Variants in LDLRAD3 observed in about 807,000 individuals in gnomAD.
LDLRAD3 encodes the protein low-density lipoprotein receptor class A domain-containing protein 3.
LDLRAD3 carries 20 observed loss-of-function variants against 29.4 expected under a neutral mutation model. That is an observed-to-expected ratio of 0.68 (90% CI 0.48 to 0.99). The LOEUF is 0.99. LDLRAD3 is among the 50% of genes least tolerant of loss of function. The pLI, the probability that LDLRAD3 is intolerant of heterozygous loss-of-function variation, is 0.00. For missense variants in LDLRAD3, 420 were observed against 454.3 expected (o/e 0.92, Z 0.69); for synonymous variants, 157 against 192.7 (o/e 0.81, Z 1.53).
At chr11:35,952,163 A>G (rs1851143606) in intron 1 of LDLRAD3, among the ~76,000 whole-genome samples, 1 of 152,216 alleles carries the variant, frequency 6.6e-6, no homozygotes, top group South Asian at 2.1e-4. Flanking sequence ...AGGTTCAGTA[A>G]CTTTCCTAAA....
At chr11:36,142,213 C>A (rs912655301) in intron 4 of LDLRAD3, among the ~76,000 whole-genome samples, 1 of 152,154 alleles carries the variant, frequency 6.6e-6, no homozygotes, top group Non-Finnish European at 1.5e-5. Flanking sequence ...AGAGTCACTC[C>A]TTAGTTTCTG....
At chr11:36,006,001 A>C (rs1396296686) in intron 1 of LDLRAD3, among the ~76,000 whole-genome samples, 2 of 152,188 alleles carry the variant, frequency 1.3e-5, no homozygotes, top group East Asian at 1.9e-4. Context: ...CCAATTCGAC[A>C]TGAGATTTGG....
At chr11:36,031,453 G>A (rs1852235004) in intron 1 of LDLRAD3, among the ~76,000 whole-genome samples, 1 of 152,218 alleles carries the variant, frequency 6.6e-6, no homozygotes, top group Admixed American at 6.5e-5. Flanking sequence ...CAAGGGGCAG[G>A]TGGAACTTTC....
intron 5 of LDLRAD3, 117 bp downstream of exon 5, chr11:36,227,547 G>A: frequency 1.4e-6 from 1 of 712,168 alleles, no homozygotes; most frequent in Non-Finnish European, 2.2e-6. Context: ...GCTGCTATAG[G>A]CAGTGGCAGC....
intron 2 of LDLRAD3, among the ~76,000 whole-genome samples, chr11:36,074,513 AGC>A (rs1203962757): frequency 6.6e-6 from 1 of 152,148 alleles, no homozygotes; most frequent in African/African-American, 2.4e-5. Flanking sequence ...GGAACAAGGA[AGC>A]CTGTGTAGTT....
intron 4 of LDLRAD3, among the ~76,000 whole-genome samples, chr11:36,168,333 C>T (rs1233131131): frequency 6.6e-6 from 1 of 152,074 alleles, no homozygotes; most frequent in East Asian, 1.9e-4. Context: ...TTTGGTGCCT[C>T]CCTGATGCTT....
intron 3 of LDLRAD3, among the ~76,000 whole-genome samples, chr11:36,082,634 G>A (rs1204610651): frequency 6.8e-6 from 1 of 146,442 alleles, no homozygotes; most frequent in Non-Finnish European, 1.5e-5. Flanking sequence ...TGTTTTACCT[G>A]CTGTATAATA....
intron 4 of LDLRAD3, among the ~76,000 whole-genome samples, chr11:36,208,463 C>T (rs1244943406): frequency 3.3e-5 from 5 of 152,154 alleles, no homozygotes; most frequent in African/African-American, 7.2e-5. Flanking sequence ...CCCAGGTGGC[C>T]GAAGGGCAGC....
At chr11:35,971,302 C>A (rs1300280241) in intron 1 of LDLRAD3, among the ~76,000 whole-genome samples, 1 of 152,140 alleles carries the variant, frequency 6.6e-6, no homozygotes, top group Non-Finnish European at 1.5e-5. Context: ...AGTGACATGA[C>A]CTGTTGGACA....
At chr11:36,216,108 T>A (rs1855349207) in intron 4 of LDLRAD3, among the ~76,000 whole-genome samples, 1 of 152,176 alleles carries the variant, frequency 6.6e-6, no homozygotes, top group African/African-American at 2.4e-5. Context: ...TGCCGAACCT[T>A]AACTGATGTG....
At chr11:36,188,520 G>T (rs1403731676) in intron 4 of LDLRAD3, among the ~76,000 whole-genome samples, 1 of 152,076 alleles carries the variant, frequency 6.6e-6, no homozygotes, top group Non-Finnish European at 1.5e-5. Context: ...AGAAGGCCTG[G>T]GAATTGGCAA....
intron 4 of LDLRAD3, among the ~76,000 whole-genome samples, chr11:36,127,512 A>G (rs1452551402): frequency 6.6e-6 from 1 of 152,190 alleles, no homozygotes; most frequent in East Asian, 1.9e-4. Context: ...TGAAATTCTT[A>G]GAACAGGATT....
chr11:35,969,312 TC>T (rs1851382959), intron 1 of LDLRAD3, among the ~76,000 whole-genome samples: 2 of 152,168 alleles, frequency 1.3e-5, no homozygotes, highest in Admixed American at 1.3e-4. Flanking sequence ...TCAGCCATTT[TC>T]CTCTTTTAAT....
At chr11:36,071,296 A>C (rs1376620043) in intron 2 of LDLRAD3, among the ~76,000 whole-genome samples, 2 of 152,214 alleles carry the variant, frequency 1.3e-5, no homozygotes, top group Non-Finnish European at 2.9e-5. Flanking sequence ...CTTTTCTCAT[A>C]GCTGTCTGTG....
rs1252283856 is a variant in LDLRAD3, at chr11:36,230,958, T to C, written c.*1561T>C. The C allele has an allele frequency of 2.6e-5, 4 of 152,378 alleles. No individual in the cohort carries two copies. Among genetic ancestry groups the C allele is most frequent in the Non-Finnish European group, 5.9e-5 (4 of 68,048 alleles). The allele number at this position is 152,378 out of a possible 1,614,324, so 9.4% of individuals were successfully genotyped here. The stretch of plus-strand genomic sequence containing the variant: ...TCTCTATGTTTGTGCTAGTTTTTCT[T>C]TTTTTTCTCTGTGTCCAGTCAGCCA... On this transcript the variant is annotated 3_prime_UTR_variant, in exon 6 of 6. Transcript: ENST00000315571.
chr11:36,029,438 A>G (rs534339407), intron 1 of LDLRAD3, among the ~76,000 whole-genome samples: 4 of 152,294 alleles, frequency 2.6e-5, no homozygotes, highest in African/African-American at 2.4e-5. Flanking sequence ...GGTCAGTATC[A>G]TGACAAACAG....
intron 1 of LDLRAD3, among the ~76,000 whole-genome samples, chr11:35,999,926 A>C (rs1851802192): frequency 6.6e-6 from 1 of 152,172 alleles, no homozygotes; most frequent in South Asian, 2.1e-4. Flanking sequence ...GGAGACATTT[A>C]CAAGGATGCT....
chr11:36,141,100 C>T (rs143218742), intron 4 of LDLRAD3, among the ~76,000 whole-genome samples: 11 of 149,406 alleles, frequency 7.4e-5, no homozygotes, highest in African/African-American at 1.7e-4. Context: ...TGGAGATATG[C>T]GTGGTACTAG....
chr11:36,118,620 A>G (rs1477656743), intron 4 of LDLRAD3, among the ~76,000 whole-genome samples: 1 of 152,118 alleles, frequency 6.6e-6, no homozygotes, highest in Non-Finnish European at 1.5e-5. Flanking sequence ...CCTGAGCACC[A>G]CTACAGAAGG....
Sources: gnomAD v4.1 joint callset for allele counts (sites outside exome capture counted in the v4.1 genomes callset) on GRCh38, gnomAD v4.1.1 for gene constraint, MANE v1.5 for transcripts, NCBI Gene and HGNC (gene_info 2026-07-23, HGNC 2026-07-21) for gene names.